The following RBFOX2 variants were observed in gnomAD, a reference collection of about 807,000 sequenced individuals.
RBFOX2 encodes RNA binding fox-1 homolog 2.
Under a neutral mutation model 49.1 loss-of-function variants are expected in RBFOX2, and 10 were observed. That is an observed-to-expected ratio of 0.20 (90% CI 0.13 to 0.35). The LOEUF (loss-of-function observed/expected upper bound fraction) is 0.35, where lower values mean the gene tolerates loss of function less well. Ranked by LOEUF, RBFOX2 falls within the 10% of genes least tolerant of loss-of-function variation. The pLI is 1.00. For missense variants in RBFOX2, 323 were observed against 486.9 expected (o/e 0.66, Z 3.17); for synonymous variants, 183 against 187.4 (o/e 0.98, Z 0.19).
At chr22:35,804,357 A>T (rs1277284594) in intron 2 of RBFOX2, among the ~76,000 whole-genome samples, 1 of 152,218 alleles carries the variant, frequency 6.6e-6, no homozygotes, top group Non-Finnish European at 1.5e-5. Flanking sequence ...AATTATGGTG[A>T]AAAACATCCC....
intron 1 of RBFOX2, among the ~76,000 whole-genome samples, chr22:35,990,577 C>A (rs2057933786): frequency 6.6e-6 from 1 of 151,986 alleles, no homozygotes; most frequent in South Asian, 2.1e-4. Flanking sequence ...ATTGACTAAC[C>A]CCAAAATGTG....
At chr22:35,773,805 C>T (rs1943262631) in intron 4 of RBFOX2, among the ~76,000 whole-genome samples, 2 of 151,970 alleles carry the variant, frequency 1.3e-5, no homozygotes, top group Admixed American at 1.3e-4. Context: ...TGATAATTAT[C>T]ACCAAAAATT....
intron 1 of RBFOX2, among the ~76,000 whole-genome samples, chr22:35,977,751 T>TAG (rs2057258747): frequency 7.6e-6 from 1 of 131,372 alleles, no homozygotes; most frequent in African/African-American, 2.7e-5. Flanking sequence ...TATATATATA[T>TAG]ATATATATAT....
intron 1 of RBFOX2, among the ~76,000 whole-genome samples, chr22:35,846,948 G>C (rs1215706370): frequency 6.6e-6 from 1 of 152,110 alleles, no homozygotes; most frequent in African/African-American, 2.4e-5. Context: ...TTAAGTAAAA[G>C]TGCCTAAGGA....
At chr22:35,900,743 A>G (rs77232026) in intron 1 of RBFOX2, among the ~76,000 whole-genome samples, 475 of 152,276 alleles carry the variant, frequency 3.1e-3, no homozygotes, top group Non-Finnish European at 5.3e-3. Flanking sequence ...ATGAGCATCA[A>G]CTGGAAACTC....
chr22:35,925,222 A>T (rs6000037), intron 1 of RBFOX2, among the ~76,000 whole-genome samples: 20,129 of 150,956 alleles, frequency 0.13, 2,855 homozygotes, highest in African/African-American at 0.36. Context: ...AAAAAAATTT[A>T]AAAAAAAAGT....
chr22:36,025,248 T>G (rs931378005), intron 1 of RBFOX2, among the ~76,000 whole-genome samples: 2 of 152,212 alleles, frequency 1.3e-5, no homozygotes, highest in Admixed American at 1.3e-4. Context: ...AACCAAGCAG[T>G]CTTTCTCAAT....
exon 11 of RBFOX2, chr22:35,745,965 G>A (rs1270455728): frequency 3.1e-6 from 5 of 1,613,988 alleles, no homozygotes; most frequent in Admixed American, 1.7e-5. Flanking sequence ...CAAGGGCATG[G>A]TAGGGGTCGG....
intron 1 of RBFOX2, among the ~76,000 whole-genome samples, chr22:35,869,469 CAAAAAAAAAAAAAAAAAAAAAAA>C (rs35854576): frequency 3.3e-5 from 1 of 30,534 alleles, no homozygotes; most frequent in Non-Finnish European, 6.5e-5. Context: ...AACGGCTGAC[CAAAAAAAAAAAAAAAAAAAAAAA>C]AAAAAAAAAA....
chr22:35,956,563 T>C (rs1189358306), intron 1 of RBFOX2, among the ~76,000 whole-genome samples: 2 of 152,108 alleles, frequency 1.3e-5, no homozygotes, highest in African/African-American at 4.8e-5. Flanking sequence ...GGTTTCACCA[T>C]GTTGGCCAGG....
At chr22:35,945,118 T>G (rs2054131933) in intron 1 of RBFOX2, among the ~76,000 whole-genome samples, 1 of 152,194 alleles carries the variant, frequency 6.6e-6, no homozygotes, top group Admixed American at 6.5e-5. Context: ...AAAATGAAGC[T>G]GTCTTCTACA....
At chr22:35,979,838 C>T (rs1479279828) in intron 1 of RBFOX2, among the ~76,000 whole-genome samples, 1 of 152,192 alleles carries the variant, frequency 6.6e-6, no homozygotes, top group Non-Finnish European at 1.5e-5. Flanking sequence ...GTGTCAGTGC[C>T]ATACTAACTC....
chr22:35,986,634 C>T (rs2150087186), intron 1 of RBFOX2, among the ~76,000 whole-genome samples: 1 of 152,224 alleles, frequency 6.6e-6, no homozygotes. Context: ...AAGAAGGCCT[C>T]CACTGGATTA....
At chr22:36,018,319 A>T (rs1349247339) in intron 1 of RBFOX2, among the ~76,000 whole-genome samples, 1 of 152,214 alleles carries the variant, frequency 6.6e-6, no homozygotes, top group Non-Finnish European at 1.5e-5. Flanking sequence ...GGCATCCAGG[A>T]GGAATCAATA....
chr22:35,828,919 T>C (rs923170217), intron 1 of RBFOX2, among the ~76,000 whole-genome samples: 3 of 151,808 alleles, frequency 2.0e-5, no homozygotes, highest in Admixed American at 6.6e-5. Context: ...GGCGTGGTGG[T>C]ACGCACCTGT....
intron 9 of RBFOX2, chr22:35,752,556 A>G: frequency 3.3e-6 from 3 of 916,854 alleles, no homozygotes; most frequent in Non-Finnish European, 3.9e-6. Flanking sequence ...GTATAATTCA[A>G]TTTTTTCACT....
intron 1 of RBFOX2, among the ~76,000 whole-genome samples, chr22:35,878,943 G>C (rs1030267437): frequency 6.6e-6 from 1 of 152,090 alleles, no homozygotes; most frequent in African/African-American, 2.4e-5. Context: ...TGTTAGCCAG[G>C]ATGGTCTCAA....
chr22:35,968,837 T>C (rs1001712930), intron 1 of RBFOX2, among the ~76,000 whole-genome samples: 2 of 152,238 alleles, frequency 1.3e-5, no homozygotes, highest in African/African-American at 4.8e-5. Context: ...AAAGACATTG[T>C]AGGGAGTCTT....
intron 3 of RBFOX2, among the ~76,000 whole-genome samples, chr22:35,778,363 C>A (rs1321568079): frequency 6.6e-6 from 1 of 152,158 alleles, no homozygotes; most frequent in Non-Finnish European, 1.5e-5. Context: ...TTCCTAACTA[C>A]ATCTCTTAGT....
Sources: gnomAD v4.1 joint callset for allele counts (sites outside exome capture counted in the v4.1 genomes callset) on GRCh38, gnomAD v4.1.1 for gene constraint, MANE v1.5 for transcripts, NCBI Gene and HGNC (gene_info 2026-07-23, HGNC 2026-07-21) for gene names.